The following INSL6 variants were observed in gnomAD, a reference collection of about 807,000 sequenced individuals.
INSL6 encodes the protein insulin like 6.
Under a neutral mutation model 9.4 loss-of-function variants are expected in INSL6, and 16 were observed. That is an observed-to-expected ratio of 1.70 (90% confidence interval 1.15 to 2.59). The LOEUF is 2.59. INSL6 is among the 30% of genes most tolerant of loss of function. INSL6 has a pLI of 0.00. For synonymous variants in INSL6, 154 were observed against 96.9 expected, an observed-to-expected ratio of 1.59 and a Z score of -3.46; for missense variants, 391 against 257.3, an observed-to-expected ratio of 1.52 and a Z score of -3.56.
the INSL6 span, chr9:5,077,507 A>G: frequency 2.1e-6 from 3 of 1,441,196 alleles, no homozygotes; most frequent in Non-Finnish European, 1.9e-6. Flanking sequence ...TATCTGAAAA[A>G]GAATAAAAAT....
At chr9:5,122,932 A>C (rs10815163), downstream of INSL6, 1 of 908,972 alleles carries the variant, frequency 1.1e-6, no homozygotes, top group Non-Finnish European at 1.7e-6. Context: ...AATTTATACA[A>C]TGATTTGCAG....
the INSL6 span, among the ~76,000 whole-genome samples, chr9:4,994,862 A>T: frequency 6.6e-6 from 1 of 152,128 alleles, no homozygotes; most frequent in Admixed American, 6.5e-5. Flanking sequence ...ATTCTTTCAT[A>T]AAAAAATTAT....
the INSL6 span, chr9:5,021,932 C>A: frequency 2.2e-6 from 3 of 1,334,104 alleles, no homozygotes; most frequent in African/African-American, 1.4e-5. Context: ...TGCGCCCAGC[C>A]CATTTGTAAC....
chr9:5,007,046 T>G, the INSL6 span, among the ~76,000 whole-genome samples: 9 of 152,158 alleles, frequency 5.9e-5, no homozygotes, highest in Admixed American at 4.6e-4. Flanking sequence ...CTTTCTAGTG[T>G]TTTATCAATT....
At chr9:5,147,681 A>G (rs1824628209) in intron 2 of INSL6, among the ~76,000 whole-genome samples, 1 of 152,170 alleles carries the variant, frequency 6.6e-6, no homozygotes, top group African/African-American at 2.4e-5. Context: ...TTTCTCTCTC[A>G]GGAATGCTGA....
intron 2 of INSL6, among the ~76,000 whole-genome samples, chr9:5,138,743 TA>T (rs528965337): frequency 6.0e-4 from 91 of 151,108 alleles, no homozygotes; most frequent in Middle Eastern, 3.4e-3. Context: ...AAAAAAATAA[TA>T]AAAGTACTGA....
intron 2 of INSL6, among the ~76,000 whole-genome samples, chr9:5,151,767 A>C (rs1271118733): frequency 1.3e-5 from 2 of 152,362 alleles, no homozygotes; most frequent in East Asian, 3.9e-4. Flanking sequence ...TAAAAAAGCA[A>C]GATTGTATAT....
At chr9:5,044,337 T>C in the INSL6 span, 1 of 940,182 alleles carries the variant, frequency 1.1e-6, no homozygotes, top group Non-Finnish European at 1.7e-6. Context: ...TAGGTGACTA[T>C]ATATAGATAG....
chr9:5,050,652 C>A, the INSL6 span: 1 of 1,584,850 alleles, frequency 6.3e-7, no homozygotes, highest in Non-Finnish European at 8.6e-7. Context: ...ATGAAACTTA[C>A]GATGAGATAT....
the INSL6 span, chr9:5,099,246 T>C: frequency 4.6e-5 from 7 of 152,312 alleles, no homozygotes; most frequent in African/African-American, 1.7e-4. Flanking sequence ...GCTCAGAAAT[T>C]TGTGAATCTA....
chr9:5,040,507 G>A, the INSL6 span, among the ~76,000 whole-genome samples: 2 of 152,168 alleles, frequency 1.3e-5, no homozygotes, highest in South Asian at 2.1e-4. Context: ...TCAAAAATGC[G>A]AAAAGACCAC....
the INSL6 span, among the ~76,000 whole-genome samples, chr9:5,087,545 C>G: frequency 0.026 from 3,893 of 152,154 alleles, 137 homozygotes; most frequent in African/African-American, 0.087. Context: ...TCTTTCTTTT[C>G]GCTGTATTTT....
the INSL6 span, chr9:5,022,263 T>A: frequency 1.6e-6 from 2 of 1,285,328 alleles, no homozygotes; most frequent in East Asian, 4.6e-5. Flanking sequence ...ATTGTTTTAA[T>A]TATGCTATGC....
the INSL6 span, among the ~76,000 whole-genome samples, chr9:5,014,671 G>T: frequency 1.3e-5 from 2 of 152,102 alleles, no homozygotes; most frequent in African/African-American, 2.4e-5. Flanking sequence ...TTATTGACTG[G>T]TACACTTAAG....
At chr9:5,115,360 G>C in the INSL6 span, among the ~76,000 whole-genome samples, 2 of 152,164 alleles carry the variant, frequency 1.3e-5, no homozygotes, top group Admixed American at 6.5e-5. Flanking sequence ...ACCAGAGTGA[G>C]GTACCATCTC....
chr9:5,046,776 CTAAGAATAGCCTTTTGAAAACAGGA>C, the INSL6 span, among the ~76,000 whole-genome samples: 13,783 of 152,118 alleles, frequency 0.091, 1,874 homozygotes, highest in African/African-American at 0.3. Flanking sequence ...AGAGAGGCTT[CTAAGAATAGCCTTTTGAAAACAGGA>C]TATTATGAGG....
At chr9:5,093,069 A>T in the INSL6 span, among the ~76,000 whole-genome samples, 1 of 152,320 alleles carries the variant, frequency 6.6e-6, no homozygotes, top group East Asian at 1.9e-4. Context: ...CTAATCTATT[A>T]TTTAATAGAA....
Position 5,164,135 on chromosome 9 carries a change from A to G in INSL6, c.420T>C (p.Tyr140=). 2 of 1,610,266 alleles carry G rather than the reference A, an allele frequency of 1.2e-6. No homozygotes were observed. The highest frequency in any genetic ancestry group is 1.7e-6 in the Non-Finnish European group (2 of 1,178,510). The change falls in exon 2 of 2, where the codon TAT becomes TAC. Residue 140 remains tyrosine, a synonymous_variant. Transcript: ENST00000381641. ...TCTGAAATTTTGCATTCTCATGAAT[A>G]TATACATTGATATTATGTGATGAAG... ...EFSSSHNINV[Y]IHENAKFQKK...
At chr9:4,995,663 A>C in the INSL6 span, among the ~76,000 whole-genome samples, 1 of 152,192 alleles carries the variant, frequency 6.6e-6, no homozygotes, top group East Asian at 1.9e-4. Flanking sequence ...TTTGTTTCCA[A>C]GTCCTGTATA....
Sources: gnomAD v4.1 joint callset for allele counts (sites outside exome capture counted in the v4.1 genomes callset) on GRCh38, gnomAD v4.1.1 for gene constraint, MANE v1.5 for transcripts, NCBI Gene and HGNC (gene_info 2026-07-23, HGNC 2026-07-21) for gene names.